Variants in SYT6 observed in about 807,000 individuals in gnomAD.
The protein encoded by SYT6 is synaptotagmin-6.
Under a neutral mutation model 38.4 loss-of-function variants are expected in SYT6, and 24 were observed. The observed-to-expected ratio is 0.62, with a 90% CI of 0.45 to 0.88. The LOEUF (loss-of-function observed/expected upper bound fraction) is 0.88. Among genes scored for constraint, SYT6 ranks in the 40% least tolerant of loss-of-function variants. The pLI, the probability that SYT6 is intolerant of heterozygous loss-of-function variation, is 0.00. For missense variants in SYT6, 611 were observed against 621.0 expected, an observed-to-expected ratio of 0.98 and a Z score of 0.17; for synonymous variants, 265 against 241.9, an observed-to-expected ratio of 1.10 and a Z score of -0.89.
At chr1:114,116,165 C>T (rs1571851147) in intron 3 of SYT6, among the ~76,000 whole-genome samples, 1 of 152,240 alleles carries the variant, frequency 6.6e-6, no homozygotes, top group South Asian at 2.1e-4. Context: ...CTCACTTAAA[C>T]CTGCTAGTGC....
Position 114,099,170 on chromosome 1 carries a change from C to A in SYT6, c.1288G>T (p.Glu430Ter). ...GGGGGAATGTCAAAGATGATGGCCT[C>A]ATTGTAGACAGGATTGAGAGTGTTT... Reference protein sequence around the residue: ...KKNTLNPVYNEAIIFDIPPEN... With the variant: ...KKNTLNPVYN Residue 430 changes from glutamate to a stop codon, truncating the protein, a stop_gained, in exon 5 of 8, where the codon GAG (glutamate) becomes TAG (stop). Transcript: ENST00000610222. LOFTEE classifies it high-confidence loss of function. The A allele has an allele frequency of 6.2e-7, 1 of 1,614,156 alleles. No homozygotes were observed. The highest frequency in any genetic ancestry group is 8.5e-7 in the Non-Finnish European group (1 of 1,180,006).
In SYT6 at chr1:114,092,328, CTCTCTCTCTCTG is replaced by C. The variant is rs1462533503; in HGVS notation, c.*52-258_*52-247del. On this transcript the variant is annotated intron_variant, in intron 7 of 7. Coordinates refer to ENST00000610222, the MANE Select transcript of SYT6 (RefSeq NM_001253772.2). Reference sequence around the variant, plus strand: ...CTTTCTTAACTCTCTCTCTCTCTCTCTCTCTCTCTCTGTGTGTGTGTGTGTGTGTGTGTGTGT... The same window carrying C: ...CTTTCTTAACTCTCTCTCTCTCTCTCTGTGTGTGTGTGTGTGTGTGTGTGT... Among the ~76,000 whole-genome samples, 10 of 147,436 alleles carry C rather than the reference CTCTCTCTCTCTG, an allele frequency of 6.8e-5. No homozygotes were observed. The East Asian group carries it at 1.1e-3, about 17-fold the overall frequency.
At chr1:114,110,080 C>G (rs941299742) in intron 3 of SYT6, among the ~76,000 whole-genome samples, 1 of 152,160 alleles carries the variant, frequency 6.6e-6, no homozygotes, top group Non-Finnish European at 1.5e-5. Context: ...TGCCTCTTAG[C>G]CCATACTTGG....
At position 114,139,901 on chromosome 1, in the gene SYT6, A is replaced by T; in HGVS notation, c.226T>A (p.Phe76Ile). Residue 76 changes from phenylalanine (F) to isoleucine (I), a missense_variant, in exon 2 of 8, where the codon TTT (phenylalanine) becomes ATT (isoleucine). Transcript: ENST00000610222. ...IVCGVALVAV[F>I]LFLFWKLCWM... ...CACAGCTTCCAAAAGAGAAAGAGAA[A>T]AACTGCCACCAGGGCCACGCCACAC... 6.5e-7 allele frequency: 1 copy of T among 1,533,676 alleles called. No homozygotes were observed. The highest frequency in any genetic ancestry group is 8.7e-7 in the Non-Finnish European group (1 of 1,143,634).
intron 3 of SYT6, among the ~76,000 whole-genome samples, chr1:114,122,944 G>A (rs1299805388): frequency 3.3e-5 from 5 of 152,252 alleles, no homozygotes; most frequent in South Asian, 2.1e-4. Flanking sequence ...GGCCCTGCCC[G>A]CCCAGCACAG....
At position 114,099,168 on chromosome 1, in the gene SYT6, C is replaced by T. The variant is rs748547825; in HGVS notation, c.1290G>A (p.Glu430=). The part of the protein sequence containing the change: ...KKNTLNPVYN[E]AIIFDIPPEN... ...CCGGGGGAATGTCAAAGATGATGGC[C>T]TCATTGTAGACAGGATTGAGAGTGT... The change falls in exon 5 of 8, where the codon GAG becomes GAA. Residue 430 remains glutamate, a synonymous_variant. Coordinates refer to ENST00000610222, the MANE Select transcript of SYT6 (RefSeq NM_001253772.2). The T allele has an allele frequency of 6.2e-7, 1 of 1,614,136 alleles. No homozygotes were observed. The highest frequency in any genetic ancestry group is 8.5e-7 in the Non-Finnish European group (1 of 1,179,990).
rs370807848 is a variant in SYT6 at position 114,103,606 on chromosome 1, T to G, written c.1187A>C (p.Tyr396Ser). Reference protein sequence around the residue: ...RNLKAMDITGYSDPYVKVSLL... With the variant: ...RNLKAMDITGSSDPYVKVSLL... ...ACTTGGGTTAAGAGAGGTACCTGAA[T>G]AGCCTGTGATGTCCATCGCCTTGAG... is the stretch of plus-strand genomic sequence containing the variant. The change falls in exon 4 of 8, where the codon TAT becomes TCT. Residue 396 changes from tyrosine to serine, a missense_variant. Transcript: ENST00000610222. 1.2e-6 allele frequency: 2 copies of G among 1,614,170 alleles called. No homozygotes were observed. The highest frequency in any genetic ancestry group is 1.7e-5 in the Admixed American group (1 of 60,028).
chr1:114,129,616 CCTTT>C (rs149266681), intron 3 of SYT6, among the ~76,000 whole-genome samples: 3,532 of 58,624 alleles, frequency 0.06, 114 homozygotes, highest in African/African-American at 0.084. Context: ...TTCTTTCTTT[CCTTT>C]CTTTCTTTCT....
At chr1:114,099,345 G>C in intron 4 of SYT6, 80 bp from the exon 5 acceptor site, 5 of 1,459,768 alleles carry the variant, frequency 3.4e-6, no homozygotes, top group Non-Finnish European at 4.6e-6. Flanking sequence ...CAAAGGGACC[G>C]AAGCCCTAGA....
At chr1:114,127,689 C>A (rs1183815224) in intron 3 of SYT6, among the ~76,000 whole-genome samples, 1 of 152,228 alleles carries the variant, frequency 6.6e-6, no homozygotes, top group Non-Finnish European at 1.5e-5. Context: ...AGGGAGGCAA[C>A]CAAGCTCTTC....
intron 2 of SYT6, 30 bp downstream of exon 2, chr1:114,139,585 G>T (rs1255452373): frequency 6.2e-7 from 1 of 1,613,118 alleles, no homozygotes; most frequent in East Asian, 2.2e-5. Context: ...GAGGTGTGGG[G>T]GTCAGGGAAG....
chr1:114,106,648 C>T (rs901142), intron 3 of SYT6, among the ~76,000 whole-genome samples: 95,250 of 151,816 alleles, frequency 0.63, 30,756 homozygotes, highest in African/African-American at 0.73. Context: ...GTTGGTCCTT[C>T]TTGTCAAAAT....
intron 6 of SYT6, among the ~76,000 whole-genome samples, chr1:114,097,224 C>G (rs1453760074): frequency 6.6e-6 from 1 of 152,204 alleles, no homozygotes; most frequent in Non-Finnish European, 1.5e-5. Context: ...AGGCCATGCT[C>G]CCTTCCCCAA....
intron 3 of SYT6, among the ~76,000 whole-genome samples, chr1:114,114,390 A>G (rs1030484494): frequency 6.6e-6 from 1 of 152,224 alleles, no homozygotes; most frequent in Non-Finnish European, 1.5e-5. Flanking sequence ...TGTTGAATTA[A>G]TGAGCAACTC....
chr1:114,112,416 C>T (rs1319436746), intron 3 of SYT6, among the ~76,000 whole-genome samples: 2 of 152,246 alleles, frequency 1.3e-5, no homozygotes, highest in African/African-American at 2.4e-5. Context: ...GCCTCCCCTT[C>T]GTGAACCTGC....
At chr1:114,097,602 A>G (rs1310576464) in intron 6 of SYT6, 125 bp downstream of exon 6, 3 of 1,184,878 alleles carry the variant, frequency 2.5e-6, no homozygotes, top group Admixed American at 2.0e-5. Context: ...ACACTGGGTA[A>G]GAAGCATGTG....
intron 4 of SYT6, among the ~76,000 whole-genome samples, chr1:114,099,499 C>T (rs530795753): frequency 6.6e-6 from 1 of 152,262 alleles, no homozygotes; most frequent in South Asian, 2.1e-4. Flanking sequence ...TGGGAGAGCG[C>T]CTAATGGACT....
rs565552171 is a variant in SYT6, at chr1:114,123,313, T to C, written c.1071+14182A>G. 3.5e-4 allele frequency among the ~76,000 whole-genome samples: 53 copies of C among 152,302 alleles called. 1 individual carries two copies. Among genetic ancestry groups the C allele is most frequent in the East Asian group, 2.9e-3 (15 of 5,182 alleles). Reference sequence around the variant, plus strand: ...TTTTTTCTCTCTGGAAGTTGGACTGTTCCTAGCACATGGTCCAATGTGTCA... The same window carrying C: ...TTTTTTCTCTCTGGAAGTTGGACTGCTCCTAGCACATGGTCCAATGTGTCA... On this transcript the variant is annotated intron_variant, in intron 3 of 7. Transcript: ENST00000610222.
chr1:114,152,323 G>A (rs961247819), intron 1 of SYT6: 1 of 152,342 alleles, frequency 6.6e-6, no homozygotes, highest in African/African-American at 2.4e-5. Flanking sequence ...CGCCAGCGGT[G>A]CAGAGCCACT....
Sources: allele counts gnomAD v4.1 joint callset (sites outside exome capture counted in the v4.1 genomes callset), GRCh38; gene constraint gnomAD v4.1.1; transcripts MANE v1.5; gene names NCBI Gene and HGNC (gene_info 2026-07-23, HGNC 2026-07-21).